The following LHFPL6 variants were observed in gnomAD, a reference collection of about 807,000 sequenced individuals.
LHFPL6 encodes the protein LHFPL tetraspan subfamily member 6 protein.
Under a neutral mutation model 20.6 loss-of-function variants are expected in LHFPL6, and 9 were observed. The observed-to-expected ratio is 0.44, with a 90% CI of 0.26 to 0.76. The LOEUF is 0.76. Ranked by LOEUF, LHFPL6 falls within the 30% of genes least tolerant of loss-of-function variation. LHFPL6 has a pLI of 0.20. For synonymous variants in LHFPL6, 105 were observed against 98.7 expected, an observed-to-expected ratio of 1.06 and a Z score of -0.38; for missense variants, 218 against 253.5, an observed-to-expected ratio of 0.86 and a Z score of 0.95.
chr13:39,426,585 A>AT (rs1871644364), intron 2 of LHFPL6, among the ~76,000 whole-genome samples: 1 of 152,162 alleles, frequency 6.6e-6, no homozygotes, highest in African/African-American at 2.4e-5. Flanking sequence ...ATTATACAGT[A>AT]TTTAACCTTT....
intron 2 of LHFPL6, among the ~76,000 whole-genome samples, chr13:39,455,007 C>T (rs1872536492): frequency 6.6e-6 from 1 of 152,210 alleles, no homozygotes; most frequent in Middle Eastern, 3.4e-3. Context: ...AAGTCAAGTG[C>T]CATTCCACCC....
At chr13:39,355,953 C>G (rs1351583050) in intron 3 of LHFPL6, among the ~76,000 whole-genome samples, 1 of 152,104 alleles carries the variant, frequency 6.6e-6, no homozygotes, top group Non-Finnish European at 1.5e-5. Context: ...TTTCAAGATC[C>G]CACTGACAGT....
chr13:39,509,443 G>C (rs566223290), intron 2 of LHFPL6, among the ~76,000 whole-genome samples: 1 of 151,696 alleles, frequency 6.6e-6, no homozygotes, highest in East Asian at 1.9e-4. Context: ...AACATACTAC[G>C]GTTCAGATTA....
intron 2 of LHFPL6, among the ~76,000 whole-genome samples, chr13:39,426,020 A>C (rs1466821322): frequency 1.3e-5 from 2 of 152,034 alleles, no homozygotes; most frequent in Non-Finnish European, 2.9e-5. Context: ...TATATCATAA[A>C]ATTTGCTATT....
chr13:39,395,448 C>T (rs1234506375), intron 2 of LHFPL6, among the ~76,000 whole-genome samples: 1 of 152,224 alleles, frequency 6.6e-6, no homozygotes, highest in African/African-American at 2.4e-5. Context: ...CCAGAGCCTC[C>T]TCTTCCAGGA....
At chr13:39,508,214 G>A (rs1372261634) in intron 2 of LHFPL6, among the ~76,000 whole-genome samples, 1 of 151,920 alleles carries the variant, frequency 6.6e-6, no homozygotes. Context: ...TAGTAAAGGT[G>A]GGGTTTCACC....
At chr13:39,446,903 G>T (rs1303312665) in intron 2 of LHFPL6, among the ~76,000 whole-genome samples, 4 of 152,176 alleles carry the variant, frequency 2.6e-5, no homozygotes, top group Non-Finnish European at 5.9e-5. Flanking sequence ...AATAAGGAGT[G>T]TAATCAATGA....
chr13:39,388,612 A>AG (rs1870626803), intron 2 of LHFPL6, among the ~76,000 whole-genome samples: 1 of 152,136 alleles, frequency 6.6e-6, no homozygotes, highest in Non-Finnish European at 1.5e-5. Context: ...AATTATGAGG[A>AG]GGGGGAGGTA....
In LHFPL6 at chr13:39,343,666, C is replaced by T. The variant is rs1465153984; in HGVS notation, c.*270G>A. The T allele has an allele frequency of 3.0e-5, 10 of 332,478 alleles. No homozygotes were observed. Among genetic ancestry groups the T allele is most frequent in the African/African-American group, 2.1e-5 (1 of 46,796 alleles). The allele number at this position is 332,478 out of a possible 1,614,324, so 20.6% of individuals were successfully genotyped here. A position where few individuals can be genotyped will look rare whatever the true frequency, so the allele number is the denominator to read the frequency against. On this transcript the variant is annotated 3_prime_UTR_variant, in exon 4 of 4. Coordinates refer to ENST00000379589, the MANE Select transcript of LHFPL6 (RefSeq NM_005780.3). ...GTGTGTGTGTTGTACATTAACAATA[C>T]TCTGTGGAATAGAAACACCCGATGC...
chr13:39,467,752 A>G (rs539251278), intron 2 of LHFPL6, among the ~76,000 whole-genome samples: 1 of 152,336 alleles, frequency 6.6e-6, no homozygotes, highest in East Asian at 1.9e-4. Flanking sequence ...ATGCACAAAA[A>G]GAATTATTTA....
chr13:39,426,804 T>G (rs9548763), intron 2 of LHFPL6, among the ~76,000 whole-genome samples: 16,119 of 152,214 alleles, frequency 0.11, 1,043 homozygotes, highest in East Asian at 0.3. Flanking sequence ...TGATTGAGCA[T>G]TTGGTATCGT....
chr13:39,512,464 T>C (rs1001947881), intron 2 of LHFPL6, among the ~76,000 whole-genome samples: 1 of 151,948 alleles, frequency 6.6e-6, no homozygotes, highest in South Asian at 2.1e-4. Context: ...TAGCCGGGCA[T>C]GGTGGCGGGC....
intron 2 of LHFPL6, among the ~76,000 whole-genome samples, chr13:39,427,909 T>C (rs908243660): frequency 3.3e-5 from 5 of 152,328 alleles, no homozygotes; most frequent in Non-Finnish European, 7.4e-5. Flanking sequence ...GAACTGGTTG[T>C]TTAAAAATGT....
At chr13:39,483,317 T>C (rs1868601459) in intron 2 of LHFPL6, among the ~76,000 whole-genome samples, 1 of 152,158 alleles carries the variant, frequency 6.6e-6, no homozygotes, top group South Asian at 2.1e-4. Flanking sequence ...TTCTAAGGCT[T>C]GTGCTTGGAG....
intron 2 of LHFPL6, among the ~76,000 whole-genome samples, chr13:39,516,049 T>C (rs1869901049): frequency 6.6e-6 from 1 of 152,220 alleles, no homozygotes; most frequent in Admixed American, 6.5e-5. Flanking sequence ...TTTTGCATTC[T>C]AGCATATCCT....
intron 2 of LHFPL6, among the ~76,000 whole-genome samples, chr13:39,408,605 T>C (rs1046376993): frequency 2.0e-5 from 3 of 152,242 alleles, no homozygotes; most frequent in Non-Finnish European, 4.4e-5. Context: ...TTCCTATATT[T>C]TGTACCAAAC....
At chr13:39,416,226 A>G (rs757674079) in intron 2 of LHFPL6, among the ~76,000 whole-genome samples, 1 of 152,218 alleles carries the variant, frequency 6.6e-6, no homozygotes, top group Non-Finnish European at 1.5e-5. Flanking sequence ...TCAATGATCA[A>G]GCCCTAGAAT....
At chr13:39,505,267 T>G (rs1869436899) in intron 2 of LHFPL6, among the ~76,000 whole-genome samples, 1 of 152,204 alleles carries the variant, frequency 6.6e-6, no homozygotes, top group Admixed American at 6.5e-5. Flanking sequence ...TATTTCCACA[T>G]TCTAGAGAGC....
At chr13:39,547,188 T>C (rs902617270) in intron 2 of LHFPL6, among the ~76,000 whole-genome samples, 1 of 152,118 alleles carries the variant, frequency 6.6e-6, no homozygotes, top group Non-Finnish European at 1.5e-5. Flanking sequence ...TAATTTTAAT[T>C]TATTTACTTA....
Sources: allele counts gnomAD v4.1 joint callset (sites outside exome capture counted in the v4.1 genomes callset), GRCh38; gene constraint gnomAD v4.1.1; transcripts MANE v1.5; gene names NCBI Gene and HGNC (gene_info 2026-07-23, HGNC 2026-07-21).